Variants in ULK2 observed in about 807,000 individuals in gnomAD.
The protein encoded by ULK2 is serine/threonine-protein kinase ULK2.
Under a neutral mutation model 127.5 loss-of-function variants are expected in ULK2, and 76 were observed. That is an observed-to-expected ratio of 0.60 (90% CI 0.50 to 0.72). The LOEUF is 0.72. ULK2 is among the 30% of genes least tolerant of loss of function. ULK2 has a pLI of 0.00. For synonymous variants in ULK2, 452 were observed against 461.9 expected (o/e 0.98, Z 0.28); for missense variants, 1,144 against 1,295.9 (o/e 0.88, Z 1.80).
At position 19,773,351 on chromosome 17, in the gene ULK2, C is replaced by G. The variant is rs2086762694; in HGVS notation, c.*2998G>C. The G allele has an allele frequency of 1.3e-5, 2 of 152,176 alleles. No homozygotes were observed. The highest frequency in any genetic ancestry group is 4.8e-5 in the African/African-American group (2 of 41,432). 9.4% of individuals were successfully genotyped at this position (152,176 alleles called of 1,614,324 possible). Reference sequence around the variant, plus strand: ...GTCCTCATGTCCACTGTGTCTAACTCAACTTATTACTGTGCAGACTGAGGC... The same window carrying G: ...GTCCTCATGTCCACTGTGTCTAACTGAACTTATTACTGTGCAGACTGAGGC... On this transcript the variant is annotated 3_prime_UTR_variant, in exon 27 of 27. Coordinates refer to ENST00000395544, the MANE Select transcript of ULK2 (RefSeq NM_014683.4).
intron 3 of ULK2, among the ~76,000 whole-genome samples, chr17:19,860,423 T>A (rs1013406539): frequency 2.0e-5 from 3 of 152,208 alleles, no homozygotes; most frequent in Non-Finnish European, 2.9e-5. Flanking sequence ...CTAAACATAC[T>A]GTACCCCTTG....
intron 7 of ULK2, 118 bp from the exon 8 acceptor site, chr17:19,843,340 T>A (rs1190715505): frequency 5.1e-6 from 3 of 585,172 alleles, no homozygotes; most frequent in Non-Finnish European, 8.8e-6. Flanking sequence ...AACAACACCC[T>A]GTGATAGTTC....
At chr17:19,857,317 A>C (rs2042155540) in intron 3 of ULK2, among the ~76,000 whole-genome samples, 1 of 152,048 alleles carries the variant, frequency 6.6e-6, no homozygotes, top group African/African-American at 2.4e-5. Context: ...CAAAAAAAAA[A>C]AAAAAAAAAT....
At chr17:19,832,939 G>A (rs571724047) in intron 10 of ULK2, among the ~76,000 whole-genome samples, 19 of 151,554 alleles carry the variant, frequency 1.3e-4, no homozygotes, top group Non-Finnish European at 2.8e-4. Context: ...CCTGGCCAAC[G>A]TGGTGAAACC....
chr17:19,856,525 T>C (rs1028246017), intron 3 of ULK2, among the ~76,000 whole-genome samples: 13 of 151,068 alleles, frequency 8.6e-5, no homozygotes, highest in Non-Finnish European at 1.6e-4. Flanking sequence ...GAGCTTGCAG[T>C]GAGCCGAGAT....
At chr17:19,825,758 G>A (rs1201152036) in intron 11 of ULK2, among the ~76,000 whole-genome samples, 9 of 146,542 alleles carry the variant, frequency 6.1e-5, no homozygotes, top group South Asian at 2.2e-4. Flanking sequence ...GGGCTGAGGC[G>A]GGTGGATCAC....
At chr17:19,814,439 T>TATATATATACACACATATATATATATA (rs1491246393) in intron 13 of ULK2, among the ~76,000 whole-genome samples, 1 of 10,004 alleles carries the variant, frequency 1.0e-4, no homozygotes, top group African/African-American at 2.1e-4. Context: ...TATATATATA[T>TATATATATACACACATATATATATATA]TTTTTTTTTT....
At chr17:19,777,910 G>A (rs1051798278) in intron 25 of ULK2, among the ~76,000 whole-genome samples, 194 bp from the exon 26 acceptor site, 4 of 152,058 alleles carry the variant, frequency 2.6e-5, no homozygotes, top group East Asian at 3.9e-4. Flanking sequence ...ATAAAAAGTC[G>A]GTCTGCTTTC....
At chr17:19,818,527 A>G (rs1217727697) in intron 12 of ULK2, among the ~76,000 whole-genome samples, 1 of 152,250 alleles carries the variant, frequency 6.6e-6, no homozygotes, top group Non-Finnish European at 1.5e-5. Context: ...AATTACCTGC[A>G]TCTACAATCA....
intron 20 of ULK2, among the ~76,000 whole-genome samples, chr17:19,789,067 G>T (rs1033358136): frequency 6.6e-6 from 1 of 152,190 alleles, no homozygotes; most frequent in African/African-American, 2.4e-5. Flanking sequence ...CCTGCTGATT[G>T]TAAGTCCTGG....
At chr17:19,861,867 G>A (rs749714543) in intron 3 of ULK2, among the ~76,000 whole-genome samples, 7 of 152,098 alleles carry the variant, frequency 4.6e-5, no homozygotes, top group Non-Finnish European at 1.0e-4. Context: ...TATCTGAACA[G>A]GTAATAAAAT....
At chr17:19,818,872 C>A (rs2041065663) in intron 12 of ULK2, among the ~76,000 whole-genome samples, 1 of 132,852 alleles carries the variant, frequency 7.5e-6, no homozygotes, top group African/African-American at 2.8e-5. Context: ...ATGATCTTGG[C>A]TCACTGCAAC....
chr17:19,826,000 AAAAAT>A (rs2041284815), intron 11 of ULK2, 134 bp downstream of exon 11: 3 of 169,980 alleles, frequency 1.8e-5, no homozygotes, highest in Admixed American at 7.8e-5. Context: ...AAAAAAAAAA[AAAAAT>A]AAATAAATAA....
intron 3 of ULK2, among the ~76,000 whole-genome samples, chr17:19,863,831 CT>C (rs2042295825): frequency 6.6e-6 from 1 of 152,270 alleles, no homozygotes; most frequent in East Asian, 1.9e-4. Context: ...TAGTGATTGA[CT>C]TTAGAACCTA....
intron 3 of ULK2, among the ~76,000 whole-genome samples, chr17:19,860,049 C>T (rs2042209563): frequency 6.6e-6 from 1 of 152,156 alleles, no homozygotes; most frequent in African/African-American, 2.4e-5. Context: ...ATCTAAGATA[C>T]ATTAAGCTTA....
At position 19,816,793 on chromosome 17, in the gene ULK2, T is replaced by G; in HGVS notation, c.1052A>C (p.Asp351Ala). 1.2e-6 allele frequency: 2 copies of G among 1,608,886 alleles called. No individual in the cohort carries two copies. Among genetic ancestry groups the G allele is most frequent in the Non-Finnish European group, 1.7e-6 (2 of 1,178,552 alleles). Reference sequence around the variant, plus strand: ...GTTGTGTGGCACCAAAACAAAGTCATCCGTGTCACAAGAAGAGTTCTTGCT... The same window carrying G: ...GTTGTGTGGCACCAAAACAAAGTCAGCCGTGTCACAAGAAGAGTTCTTGCT... ...TSSKNSSCDT[D>A]DFVLVPHNIS... The change falls in exon 13 of 27, where the codon GAT becomes GCT. Residue 351 changes from aspartate (D) to alanine (A), a missense_variant. Around this residue, in one of 2 missense-constraint regions of ULK2, gnomAD observed 913 missense variants for 970.5 expected, o/e 0.94. Coordinates refer to ENST00000395544, the MANE Select transcript of ULK2 (RefSeq NM_014683.4).
At position 19,826,135 on chromosome 17, in the gene ULK2, T is replaced by C; in HGVS notation, c.835+4A>G. 1 of 1,443,318 alleles carries C rather than the reference T, an allele frequency of 6.9e-7. No homozygotes were observed. The highest frequency in any genetic ancestry group is 9.2e-7 in the Non-Finnish European group (1 of 1,085,106). The allele number at this position is 1,443,318 out of a possible 1,614,324, so 89.4% of individuals were successfully genotyped here. On this transcript the variant is annotated splice_donor_region_variant and intron_variant, in intron 11 of 26. Transcript: ENST00000395544. ...AAGTGAAAATACAAAAAATGGATAC[T>C]CACATTTTTTTACTGGACCTTGCTC...
intron 10 of ULK2, among the ~76,000 whole-genome samples, chr17:19,836,739 T>C (rs1479799037): frequency 6.7e-6 from 1 of 150,156 alleles, no homozygotes; most frequent in African/African-American, 2.5e-5. Flanking sequence ...ACCCTGTCTC[T>C]ACTAAAAATA....
intron 15 of ULK2, among the ~76,000 whole-genome samples, 187 bp downstream of exon 15, chr17:19,804,506 T>C (rs139349780): frequency 6.6e-6 from 1 of 152,120 alleles, no homozygotes; most frequent in East Asian, 1.9e-4. Flanking sequence ...CATACTATAT[T>C]ATCAAGCTAA....
Sources: allele counts gnomAD v4.1 joint callset (sites outside exome capture counted in the v4.1 genomes callset), GRCh38; gene constraint gnomAD v4.1.1; regional missense constraint gnomAD v4.1.1; transcripts MANE v1.5; gene names NCBI Gene and HGNC (gene_info 2026-07-23, HGNC 2026-07-21).